Variants in OR51B5 observed in about 807,000 individuals in gnomAD.
OR51B5 encodes olfactory receptor family 51 subfamily B member 5, also known as olfactory receptor 51B5.
For missense variants in OR51B5, 456 were observed against 374.6 expected (o/e 1.22, Z -1.79); for synonymous variants, 186 against 144.8 (o/e 1.28, Z -2.04).
At chr11:5,422,404 G>C (rs772625065) in intron 1 of OR51B5, 1 of 1,614,148 alleles carries the variant, frequency 6.2e-7, no homozygotes, top group South Asian at 1.1e-5. Context: ...TCTCCATGCT[G>C]GCCCTGACGG....
chr11:5,479,057 T>C (rs1320099332), intron 1 of OR51B5, among the ~76,000 whole-genome samples: 2 of 151,832 alleles, frequency 1.3e-5, no homozygotes, highest in African/African-American at 4.8e-5. Flanking sequence ...GACACATAAT[T>C]ATCAGATTCA....
At chr11:5,454,003 A>G (rs774857800) in intron 1 of OR51B5, 10 of 1,613,810 alleles carry the variant, frequency 6.2e-6, no homozygotes, top group East Asian at 2.2e-5. Flanking sequence ...TGCAGATCCA[A>G]TGTTCTTTCT....
chr11:5,443,886 C>G (rs1850727999), intron 1 of OR51B5, among the ~76,000 whole-genome samples: 2 of 151,952 alleles, frequency 1.3e-5, no homozygotes, highest in Admixed American at 6.6e-5. Flanking sequence ...CACAGTCACT[C>G]AAAGGTACCA....
At chr11:5,462,537 G>C (rs899635457) in intron 1 of OR51B5, among the ~76,000 whole-genome samples, 12 of 152,160 alleles carry the variant, frequency 7.9e-5, no homozygotes, top group African/African-American at 2.2e-4. Context: ...TTGCTCTTGT[G>C]GTTATAGTTC....
intron 1 of OR51B5, chr11:5,469,538 T>G (rs1456593244): frequency 2.0e-5 from 3 of 149,758 alleles, no homozygotes; most frequent in Non-Finnish European, 4.4e-5. Context: ...CAATGATGCT[T>G]AGATTCCAGT....
chr11:5,352,187 G>C, intron 1 of OR51B5: 2 of 1,614,114 alleles, frequency 1.2e-6, no homozygotes, highest in Non-Finnish European at 1.7e-6. Flanking sequence ...ATGGGCATTG[G>C]TTCTGGAGGA....
At chr11:5,356,738 T>C (rs188640919) in intron 1 of OR51B5, among the ~76,000 whole-genome samples, 9,118 of 123,412 alleles carry the variant, frequency 0.074, 2,006 homozygotes, top group Middle Eastern at 0.18. Context: ...AAGGTCGGGT[T>C]ACCCACAAAG....
At chr11:5,491,318 A>G (rs1225725578) in intron 1 of OR51B5, among the ~76,000 whole-genome samples, 1 of 152,254 alleles carries the variant, frequency 6.6e-6, no homozygotes, top group African/African-American at 2.4e-5. Flanking sequence ...AAGAAAAAGT[A>G]TCACAAGTTC....
chr11:5,424,682 A>C (rs1850415395), intron 1 of OR51B5, among the ~76,000 whole-genome samples: 1 of 151,968 alleles, frequency 6.6e-6, no homozygotes, highest in Non-Finnish European at 1.5e-5. Context: ...TGTAAGTAGC[A>C]TTAGAAGTGA....
At chr11:5,375,241 T>C (rs1849506515) in intron 1 of OR51B5, among the ~76,000 whole-genome samples, 1 of 149,544 alleles carries the variant, frequency 6.7e-6, no homozygotes. Flanking sequence ...CTAAGCTTCA[T>C]AAGTGAAGGA....
intron 1 of OR51B5, among the ~76,000 whole-genome samples, chr11:5,429,263 T>A (rs61894127): frequency 0.053 from 7,994 of 152,230 alleles, 662 homozygotes; most frequent in East Asian, 0.42. Context: ...AATAACTCCA[T>A]CTCCTGTGTG....
At chr11:5,449,610 A>G (rs1850814838) in intron 1 of OR51B5, among the ~76,000 whole-genome samples, 1 of 152,196 alleles carries the variant, frequency 6.6e-6, no homozygotes, top group South Asian at 2.1e-4. Context: ...CTTACTTGCC[A>G]TAATCAATTT....
chr11:5,374,232 G>T (rs1282027475), intron 1 of OR51B5, among the ~76,000 whole-genome samples: 1 of 152,142 alleles, frequency 6.6e-6, no homozygotes, highest in Non-Finnish European at 1.5e-5. Flanking sequence ...GGTCTGGAGT[G>T]GACCTCTAGC....
At chr11:5,410,795 C>T (rs1048871813) in intron 1 of OR51B5, among the ~76,000 whole-genome samples, 4 of 149,290 alleles carry the variant, frequency 2.7e-5, no homozygotes, top group Non-Finnish European at 6.0e-5. Flanking sequence ...TAGGTCTAGG[C>T]TAATGTGTGT....
chr11:5,486,086 C>G (rs141746210), intron 1 of OR51B5, among the ~76,000 whole-genome samples: 3 of 151,996 alleles, frequency 2.0e-5, no homozygotes, highest in African/African-American at 4.8e-5. Flanking sequence ...ACCAAACCTG[C>G]CAACATCGCG....
At position 5,488,952 on chromosome 11, in the gene OR51B5, C is replaced by T. The variant is rs200743028; in HGVS notation, n.84+16617G>A. ...TGGCTCTCAGTTCTACCACTGTGCCCAAGATGCTGGCCATTTTGTGGCTCC... is the reference window on the plus strand; with the variant it reads ...TGGCTCTCAGTTCTACCACTGTGCCTAAGATGCTGGCCATTTTGTGGCTCC... On this transcript the variant is annotated intron_variant and non_coding_transcript_variant, in intron 1 of 4. Coordinates refer to the OR51B5 transcript ENST00000415970. 90 of 1,613,966 alleles carry T rather than the reference C, an allele frequency of 5.6e-5. 1 individual carries two copies. In the Admixed American group the frequency reaches 8.2e-4, roughly 15 times the overall value.
chr11:5,393,730 C>A (rs1849829870), intron 1 of OR51B5, among the ~76,000 whole-genome samples: 1 of 152,050 alleles, frequency 6.6e-6, no homozygotes, highest in Admixed American at 6.5e-5. Flanking sequence ...TCTCACCAAA[C>A]CTGTGAAGTA....
intron 1 of OR51B5, chr11:5,468,674 G>A (rs1026624632): frequency 4.8e-5 from 22 of 456,432 alleles, no homozygotes; most frequent in African/African-American, 4.2e-4. Context: ...GATCAGCACT[G>A]CATAGATATG....
At chr11:5,486,523 T>C (rs1851501810) in intron 1 of OR51B5, among the ~76,000 whole-genome samples, 2 of 152,158 alleles carry the variant, frequency 1.3e-5, no homozygotes. Flanking sequence ...AGAGCTTCTC[T>C]GGAAACTTCT....
Sources: gnomAD v4.1 joint callset for allele counts (sites outside exome capture counted in the v4.1 genomes callset) on GRCh38, gnomAD v4.1.1 for gene constraint, MANE v1.5 for transcripts, NCBI Gene and HGNC (gene_info 2026-07-23, HGNC 2026-07-21) for gene names.